The following IFT140 variants were observed in gnomAD, a reference collection of about 807,000 sequenced individuals.
The protein encoded by IFT140 is intraflagellar transport protein 140 homolog.
IFT140 carries 133 observed loss-of-function variants against 164.6 expected under a neutral mutation model. The ratio of observed to expected loss-of-function variants is 0.81; its 90% CI spans 0.70 to 0.93. The LOEUF (loss-of-function observed/expected upper bound fraction) is 0.93, where lower values mean the gene tolerates loss of function less well. IFT140 is among the 40% of genes least tolerant of loss of function. The probability of loss-of-function intolerance (pLI) is 0.00; values close to 1 mark genes in which losing one functional copy is unlikely to be tolerated. For synonymous variants in IFT140, 860 were observed against 817.3 expected, an observed-to-expected ratio of 1.05 and a Z score of -0.89; for missense variants, 2,045 against 1,972.3, an observed-to-expected ratio of 1.04 and a Z score of -0.70.
At chr16:1,530,503 G>A (rs1262554830) in intron 19 of IFT140, among the ~76,000 whole-genome samples, 1 of 152,188 alleles carries the variant, frequency 6.6e-6, no homozygotes, top group Non-Finnish European at 1.5e-5. Context: ...GGGCTGGACA[G>A]GGCTGGGACC....
chr16:1,570,847 C>T (rs1244398858), intron 14 of IFT140, among the ~76,000 whole-genome samples: 3 of 152,118 alleles, frequency 2.0e-5, no homozygotes, highest in Admixed American at 6.6e-5. Flanking sequence ...CCTCGATCTC[C>T]GAGGCTCAAG....
chr16:1,518,097 C>G (rs994226278), intron 30 of IFT140, 119 bp downstream of exon 30: 3 of 1,011,118 alleles, frequency 3.0e-6, no homozygotes, highest in Non-Finnish European at 4.3e-6. Context: ...CTCAGCCTCC[C>G]AAAGTGCTGG....
intron 19 of IFT140, among the ~76,000 whole-genome samples, chr16:1,547,931 C>G (rs985044341): frequency 1.3e-5 from 2 of 152,208 alleles, no homozygotes; most frequent in Non-Finnish European, 2.9e-5. Flanking sequence ...CCCGCTTCAG[C>G]CTCTCAAAGT....
chr16:1,587,779 A>C (rs1310626566), intron 8 of IFT140, among the ~76,000 whole-genome samples, 154 bp downstream of exon 8: 1 of 152,176 alleles, frequency 6.6e-6, no homozygotes, highest in Non-Finnish European at 1.5e-5. Flanking sequence ...TCAGCTCCTC[A>C]GTCTGGGAGC....
At chr16:1,603,771 G>A (rs1370555758) in intron 3 of IFT140, among the ~76,000 whole-genome samples, 4 of 152,190 alleles carry the variant, frequency 2.6e-5, no homozygotes, top group South Asian at 2.1e-4. Context: ...GTGAGCCACC[G>A]TGCCCGGCCA....
rs1262614892 is a variant in IFT140, at chr16:1,531,161, TAAATTCCAAG to T, written c.2400-4375_2400-4366del. The T allele has an allele frequency of 6.6e-6, 1 of 152,254 alleles. No homozygotes were observed. Among genetic ancestry groups the T allele is most frequent in the Non-Finnish European group, 1.5e-5 (1 of 68,062 alleles). 9.4% of individuals were successfully genotyped at this position (152,254 alleles called of 1,614,324 possible). ...GGTTCTGGGGTTTGTGCATCTGACA[TAAATTCCAAG>T]AAGTAAACACCCTCTTAGTTCCCAT... On this transcript the variant is annotated intron_variant, in intron 19 of 30. Coordinates refer to ENST00000426508, the MANE Select transcript of IFT140 (RefSeq NM_014714.4). This position sits in a 1 kb window ranked among gnomAD's most constrained non-coding sequence, Gnocchi z 4.7.
At chr16:1,597,499 G>C (rs1319207457) in intron 4 of IFT140, among the ~76,000 whole-genome samples, 1 of 152,210 alleles carries the variant, frequency 6.6e-6, no homozygotes, top group Non-Finnish European at 1.5e-5. Flanking sequence ...AGCTGGTCTG[G>C]GCTGATTCCA....
chr16:1,528,346 C>G (rs549510683), intron 19 of IFT140, among the ~76,000 whole-genome samples: 5 of 130,758 alleles, frequency 3.8e-5, no homozygotes, highest in South Asian at 2.2e-4. Flanking sequence ...CACACACACG[C>G]ATGCACGCAC....
At chr16:1,556,434 G>T (rs1596359186) in intron 19 of IFT140, among the ~76,000 whole-genome samples, 3 of 152,380 alleles carry the variant, frequency 2.0e-5, no homozygotes, top group Admixed American at 2.0e-4. Context: ...TGCCCTGCTG[G>T]CATCGGCCAA....
At chr16:1,536,430 G>A (rs1168924908) in intron 19 of IFT140, among the ~76,000 whole-genome samples, 3 of 152,136 alleles carry the variant, frequency 2.0e-5, no homozygotes, top group African/African-American at 4.8e-5. Flanking sequence ...CTGAGCCCTG[G>A]TCAGCCCCTT....
intron 19 of IFT140, chr16:1,534,180 C>T (rs1183666695): frequency 2.0e-6 from 3 of 1,520,708 alleles, no homozygotes; most frequent in Middle Eastern, 2.3e-4. Flanking sequence ...TGGTGATGTC[C>T]TCTAGCCACC....
chr16:1,554,170 C>G, intron 19 of IFT140: 1 of 1,271,056 alleles, frequency 7.9e-7, no homozygotes, highest in South Asian at 1.2e-5. Context: ...AAGGCCCTGG[C>G]CCCATCTCCG....
At chr16:1,535,149 G>A (rs1382551783) in intron 19 of IFT140, among the ~76,000 whole-genome samples, 2 of 152,142 alleles carry the variant, frequency 1.3e-5, no homozygotes, top group Non-Finnish European at 2.9e-5. Context: ...GGTTGTTGGG[G>A]TCTTTGAGGC....
chr16:1,586,517 CG>C (rs2034889189), intron 9 of IFT140, among the ~76,000 whole-genome samples: 1 of 152,184 alleles, frequency 6.6e-6, no homozygotes, highest in Non-Finnish European at 1.5e-5. Flanking sequence ...TGGCCTGGCT[CG>C]GGGCTGCCCC....
At chr16:1,528,371 G>A (rs151190732) in intron 19 of IFT140, among the ~76,000 whole-genome samples, 57 of 147,620 alleles carry the variant, frequency 3.9e-4, no homozygotes, top group East Asian at 1.8e-3. Context: ...GCACACACAC[G>A]CATGCACGCA....
intron 19 of IFT140, among the ~76,000 whole-genome samples, chr16:1,549,785 G>A (rs2032482723): frequency 6.6e-6 from 1 of 151,940 alleles, no homozygotes; most frequent in Non-Finnish European, 1.5e-5. Context: ...ACTCAGGGTT[G>A]GCCTGCCCTG....
At chr16:1,573,091 G>A (rs193235152) in intron 13 of IFT140, among the ~76,000 whole-genome samples, 14 of 152,330 alleles carry the variant, frequency 9.2e-5, no homozygotes, top group African/African-American at 2.9e-4. Flanking sequence ...TGCACAGTGT[G>A]TTTAGGAAAC....
rs540227958 is a variant in IFT140 at position 1,607,969 on chromosome 16, A to T, written c.-31-672T>A. ...TAAACAACATTTTCAAACAAAATAAATGCAAACTGCTCCAGAAAAGAGTAC... is the reference window on the plus strand; with the variant it reads ...TAAACAACATTTTCAAACAAAATAATTGCAAACTGCTCCAGAAAAGAGTAC... On this transcript the variant is annotated intron_variant, in intron 2 of 30. Transcript: ENST00000426508. Among the ~76,000 whole-genome samples, 22 of 152,368 alleles carry T rather than the reference A, an allele frequency of 1.4e-4. No individual in the cohort carries two copies. In the South Asian group the frequency reaches 4.1e-3, roughly 29 times the overall value.
chr16:1,517,480 C>A (rs949735240), intron 30 of IFT140, among the ~76,000 whole-genome samples: 2 of 152,026 alleles, frequency 1.3e-5, no homozygotes, highest in Non-Finnish European at 2.9e-5. Context: ...ACTACTCATC[C>A]AGAAAATGTG....
Sources: allele counts gnomAD v4.1 joint callset (sites outside exome capture counted in the v4.1 genomes callset), GRCh38; gene constraint gnomAD v4.1.1; non-coding constraint Gnocchi (gnomAD v3.1); transcripts MANE v1.5; gene names NCBI Gene and HGNC (gene_info 2026-07-23, HGNC 2026-07-21).